Variants in PHIP observed in about 807,000 individuals in gnomAD.
The protein encoded by PHIP is PH-interacting protein.
In PHIP, 54 loss-of-function variants were observed where a neutral mutation model predicts 236.8. That is an observed-to-expected ratio of 0.23 (90% CI 0.18 to 0.29). The LOEUF (loss-of-function observed/expected upper bound fraction) is 0.29, where lower values mean the gene tolerates loss of function less well. Among genes scored for constraint, PHIP ranks in the 10% least tolerant of loss-of-function variants. The pLI is 1.00. For missense variants in PHIP, 1,370 were observed against 2,190.8 expected (o/e 0.63, Z 7.48); for synonymous variants, 756 against 718.9 (o/e 1.05, Z -0.83).
chr6:79,061,489 A>G (rs1773374728), intron 4 of PHIP, among the ~76,000 whole-genome samples: 2 of 152,302 alleles, frequency 1.3e-5, no homozygotes, highest in East Asian at 3.9e-4. Context: ...TGAATGCAGA[A>G]GCAGATAGGA....
chr6:79,052,979 A>G (rs188199496), intron 6 of PHIP, among the ~76,000 whole-genome samples: 186 of 152,310 alleles, frequency 1.2e-3, no homozygotes, highest in Admixed American at 9.5e-3. Context: ...ACAGAGATAT[A>G]ATGTCATTGG....
At chr6:78,993,359 G>T (rs1463936511) in intron 19 of PHIP, among the ~76,000 whole-genome samples, 1 of 152,204 alleles carries the variant, frequency 6.6e-6, no homozygotes, top group South Asian at 2.1e-4. Context: ...TTAAACAACA[G>T]ACTTTCAATG....
intron 23 of PHIP, among the ~76,000 whole-genome samples, chr6:78,982,048 G>A (rs1223600052): frequency 6.6e-6 from 1 of 151,844 alleles, no homozygotes; most frequent in Non-Finnish European, 1.5e-5. Flanking sequence ...AAGACCCTAC[G>A]GTCTCCTACT....
At chr6:79,072,650 AT>A (rs922676264) in intron 4 of PHIP, among the ~76,000 whole-genome samples, 155 of 147,064 alleles carry the variant, frequency 1.1e-3, no homozygotes, top group Middle Eastern at 3.5e-3. Context: ...CACCTGGCTA[AT>A]TTTTTTTTTT....
rs1773280325 is a variant in PHIP, at chr6:78,936,638, G to C, written c.*4055C>G. 6.6e-6 allele frequency: 1 copy of C among 151,722 alleles called. No individual in the cohort carries two copies. Among genetic ancestry groups the C allele is most frequent in the South Asian group, 2.1e-4 (1 of 4,830 alleles). The allele number at this position is 151,722 out of a possible 1,614,324, so 9.4% of individuals were successfully genotyped here. ...TGCATTAAAAAAGTATTTCAACACA[G>C]AGCTATCAAAACTAAAAATAATATC... On this transcript the variant is annotated 3_prime_UTR_variant, in exon 40 of 40. Transcript: ENST00000275034.
At chr6:78,953,672 A>C (rs1233527506) in intron 35 of PHIP, among the ~76,000 whole-genome samples, 1 of 152,168 alleles carries the variant, frequency 6.6e-6, no homozygotes, top group African/African-American at 2.4e-5. Context: ...ACATGAAAAA[A>C]GTCATTTTCT....
chr6:78,944,597 C>T (rs1773702210), intron 39 of PHIP, among the ~76,000 whole-genome samples: 1 of 152,138 alleles, frequency 6.6e-6, no homozygotes, highest in African/African-American at 2.4e-5. Flanking sequence ...GAAGAGAAGG[C>T]TAGGATGACT....
chr6:78,940,548 G>GTTTGTTTTT lies in PHIP; in HGVS notation c.*144_*145insAAAAACAAA, dbSNP rs1773439272. On this transcript the variant is annotated 3_prime_UTR_variant, in exon 40 of 40. Transcript: ENST00000275034. ...AAGAAGTGAAGTGTCTCGTAAGTTT[G>GTTTGTTTTT]TTTTTTTTTTTTTTTTTTTTTTTGC... The GTTTGTTTTT allele has an allele frequency of 3.6e-5, 3 of 82,672 alleles. No individual in the cohort carries two copies. Among genetic ancestry groups the GTTTGTTTTT allele is most frequent in the Admixed American group, 2.2e-4 (1 of 4,586 alleles). 5.1% of individuals were successfully genotyped at this position (82,672 alleles called of 1,614,324 possible).
At chr6:79,020,484 A>T (rs1771062799) in intron 9 of PHIP, among the ~76,000 whole-genome samples, 1 of 152,226 alleles carries the variant, frequency 6.6e-6, no homozygotes, top group Non-Finnish European at 1.5e-5. Flanking sequence ...ATTAATCTGA[A>T]TTATGAAGGC....
intron 7 of PHIP, among the ~76,000 whole-genome samples, chr6:79,027,442 T>A (rs1009766595): frequency 2.0e-5 from 3 of 152,276 alleles, no homozygotes; most frequent in Admixed American, 2.0e-4. Context: ...AGGCTCTTCA[T>A]CTATAAAATA....
chr6:79,027,633 G>A (rs1056863292), intron 7 of PHIP, among the ~76,000 whole-genome samples: 2 of 152,076 alleles, frequency 1.3e-5, no homozygotes, highest in Non-Finnish European at 2.9e-5. Context: ...ATGTGATAAC[G>A]TCCTATGTAT....
intron 35 of PHIP, 100 bp from the exon 36 acceptor site, chr6:78,947,875 C>T: frequency 1.4e-6 from 1 of 736,298 alleles, no homozygotes; most frequent in Non-Finnish European, 2.3e-6. Context: ...ACTGCAAGTC[C>T]TAGAACTCTT....
intron 12 of PHIP, 30 bp from the exon 13 acceptor site, chr6:79,016,672 GA>G: frequency 7.3e-7 from 1 of 1,378,850 alleles, no homozygotes; most frequent in African/African-American, 1.4e-5. Flanking sequence ...ATCCCCCAAA[GA>G]AAAATCATAC....
Position 78,982,808 on chromosome 6 carries a change from T to C in PHIP, c.2769+78A>G, listed in dbSNP as rs753210816. Reference sequence around the variant, plus strand: ...TGCTGATACACTTCAACAATGTTTGTGATCAATTGTACTTCAAGATGTGTG... The same window carrying C: ...TGCTGATACACTTCAACAATGTTTGCGATCAATTGTACTTCAAGATGTGTG... On this transcript the variant is annotated intron_variant, in intron 23 of 39. Transcript: ENST00000275034. 6 of 812,520 alleles carry C rather than the reference T, an allele frequency of 7.4e-6. No homozygotes were observed. The East Asian group carries it at 1.5e-4, about 20-fold the overall frequency. The allele number at this position is 812,520 out of a possible 1,614,324, so 50.3% of individuals were successfully genotyped here. A position where few individuals can be genotyped will look rare whatever the true frequency, so the allele number is the denominator to read the frequency against.
chr6:78,996,844 C>T lies in PHIP; in HGVS notation c.2201+570G>A, dbSNP rs553404145. ...GCCTTACTTAAGTTCATATAGGCCT[C>T]ATTCATGAGTATTTCATGACTGAAG... On this transcript the variant is annotated intron_variant, in intron 19 of 39. Coordinates refer to ENST00000275034, the MANE Select transcript of PHIP (RefSeq NM_017934.7). Among the ~76,000 whole-genome samples, 217 of 152,234 alleles carry T rather than the reference C, an allele frequency of 1.4e-3. 1 individual carries two copies. Among genetic ancestry groups the T allele is most frequent in the Non-Finnish European group, 2.4e-3 (165 of 67,990 alleles).
chr6:78,958,679 C>A, intron 31 of PHIP, 79 bp from the exon 32 acceptor site: 1 of 837,644 alleles, frequency 1.2e-6, no homozygotes, highest in South Asian at 1.5e-5. Context: ...CAAGACATTC[C>A]AACTTTTCAA....
chr6:78,943,990 T>TTTA (rs1491455481), intron 39 of PHIP, among the ~76,000 whole-genome samples: 1 of 78,144 alleles, frequency 1.3e-5, no homozygotes, highest in African/African-American at 5.2e-5. Flanking sequence ...TGTCTTTTTT[T>TTTA]AAAAAAAAAA....
In PHIP at chr6:78,998,245, C is replaced by T; in HGVS notation, c.2017+9G>A. ...TAAATATTTCACTTAAAATAGAATACCTGCTTACCTCTACTTAAACGGCTG... is the reference window on the plus strand; with the variant it reads ...TAAATATTTCACTTAAAATAGAATATCTGCTTACCTCTACTTAAACGGCTG... On this transcript the variant is annotated intron_variant, in intron 18 of 39. Coordinates refer to ENST00000275034, the MANE Select transcript of PHIP (RefSeq NM_017934.7). 2 of 1,602,440 alleles carry T rather than the reference C, an allele frequency of 1.2e-6. No individual in the cohort carries two copies.
At chr6:78,989,906 A>T (rs1769109959) in intron 20 of PHIP, among the ~76,000 whole-genome samples, 1 of 152,140 alleles carries the variant, frequency 6.6e-6, no homozygotes, top group African/African-American at 2.4e-5. Flanking sequence ...TCAGAAAGAA[A>T]TTTTCCTTTA....
Sources: allele counts gnomAD v4.1 joint callset (sites outside exome capture counted in the v4.1 genomes callset), GRCh38; gene constraint gnomAD v4.1.1; transcripts MANE v1.5; gene names NCBI Gene and HGNC (gene_info 2026-07-23, HGNC 2026-07-21).